UBE2E2: variants seen among roughly 807,000 people sequenced by gnomAD.
UBE2E2 encodes the protein ubiquitin conjugating enzyme E2 E2.
Under a neutral mutation model 24.7 loss-of-function variants are expected in UBE2E2, and 6 were observed. The observed-to-expected ratio is 0.24, with a 90% confidence interval of 0.13 to 0.48. The LOEUF is 0.48. Among genes scored for constraint, UBE2E2 ranks in the 20% least tolerant of loss-of-function variants. UBE2E2 has a pLI of 0.99. For synonymous variants in UBE2E2, 104 were observed against 83.6 expected (o/e 1.24, Z -1.33); for missense variants, 169 against 245.0 (o/e 0.69, Z 2.07).
intron 3 of UBE2E2, among the ~76,000 whole-genome samples, chr3:23,301,226 C>T (rs1028747836): frequency 7.2e-5 from 11 of 151,978 alleles, no homozygotes; most frequent in Non-Finnish European, 1.6e-4. Context: ...GCTATTGTTT[C>T]GTATTTCCTC....
At chr3:23,475,894 A>G (rs1699123600) in intron 3 of UBE2E2, among the ~76,000 whole-genome samples, 1 of 152,136 alleles carries the variant, frequency 6.6e-6, no homozygotes, top group Non-Finnish European at 1.5e-5. Flanking sequence ...AGCAGGATTT[A>G]CAGTGAGTAC....
At chr3:23,555,514 T>C (rs933085126) in intron 5 of UBE2E2, among the ~76,000 whole-genome samples, 59 of 152,160 alleles carry the variant, frequency 3.9e-4, no homozygotes, top group African/African-American at 1.4e-3. Flanking sequence ...CTGCTGGATA[T>C]ATACCCAAAG....
intron 3 of UBE2E2, among the ~76,000 whole-genome samples, chr3:23,386,442 G>A (rs942018848): frequency 2.6e-5 from 4 of 152,092 alleles, no homozygotes; most frequent in African/African-American, 4.8e-5. Context: ...GCGGGGACAC[G>A]AACATTCGGA....
At chr3:23,579,900 A>G (rs2125517999) in intron 5 of UBE2E2, among the ~76,000 whole-genome samples, 1 of 152,222 alleles carries the variant, frequency 6.6e-6, no homozygotes. Context: ...GTTGATTCCA[A>G]CTCTCGTGGA....
intron 3 of UBE2E2, among the ~76,000 whole-genome samples, chr3:23,298,731 A>G (rs1247010423): frequency 6.6e-6 from 1 of 151,660 alleles, no homozygotes; most frequent in Non-Finnish European, 1.5e-5. Flanking sequence ...TTCATCAAGG[A>G]TATTGGTCTA....
At chr3:23,240,634 A>G (rs777638508) in intron 3 of UBE2E2, among the ~76,000 whole-genome samples, 2 of 152,218 alleles carry the variant, frequency 1.3e-5, no homozygotes, top group African/African-American at 2.4e-5. Flanking sequence ...ATGAAATCTG[A>G]TAGGATCTCT....
chr3:23,463,816 A>G (rs1698864329), intron 3 of UBE2E2, among the ~76,000 whole-genome samples: 2 of 152,182 alleles, frequency 1.3e-5, no homozygotes, highest in South Asian at 4.1e-4. Context: ...AACTCCATTC[A>G]TGCCTAAGGA....
At chr3:23,297,261 C>A (rs1470216606) in intron 3 of UBE2E2, among the ~76,000 whole-genome samples, 1 of 151,776 alleles carries the variant, frequency 6.6e-6, no homozygotes, top group Non-Finnish European at 1.5e-5. Context: ...CTGTAGGTTG[C>A]CTGTTCACTC....
intron 3 of UBE2E2, among the ~76,000 whole-genome samples, chr3:23,360,412 G>T (rs1255633532): frequency 1.3e-5 from 2 of 152,090 alleles, no homozygotes; most frequent in African/African-American, 2.4e-5. Context: ...TGGATACAAA[G>T]ATGAATAAAA....
intron 3 of UBE2E2, among the ~76,000 whole-genome samples, chr3:23,267,303 G>T (rs1016977029): frequency 6.6e-6 from 1 of 151,738 alleles, no homozygotes; most frequent in African/African-American, 2.4e-5. Flanking sequence ...TTGATAGACC[G>T]CTAGCAAGAC....
chr3:23,299,027 A>G (rs983671407), intron 3 of UBE2E2, among the ~76,000 whole-genome samples: 11 of 152,112 alleles, frequency 7.2e-5, no homozygotes, highest in Admixed American at 7.2e-4. Flanking sequence ...GAGGATGTAT[A>G]TGTCAGGGAA....
intron 3 of UBE2E2, among the ~76,000 whole-genome samples, chr3:23,270,332 G>A (rs548263203): frequency 2.0e-5 from 3 of 152,182 alleles, no homozygotes; most frequent in Admixed American, 2.0e-4. Context: ...TGCATGTGCT[G>A]CGATGGTGTA....
intron 3 of UBE2E2, among the ~76,000 whole-genome samples, chr3:23,295,301 T>C (rs1469018514): frequency 6.6e-6 from 1 of 152,236 alleles, no homozygotes; most frequent in African/African-American, 2.4e-5. Context: ...TATTTTTTTA[T>C]TTTTGTTTTT....
At chr3:23,512,929 C>T (rs1008041113) in intron 4 of UBE2E2, among the ~76,000 whole-genome samples, 1 of 152,002 alleles carries the variant, frequency 6.6e-6, no homozygotes, top group African/African-American at 2.4e-5. Flanking sequence ...ACCATACATA[C>T]ATACATACAT....
intron 5 of UBE2E2, among the ~76,000 whole-genome samples, chr3:23,546,278 A>C (rs1575698353): frequency 6.6e-6 from 1 of 152,220 alleles, no homozygotes; most frequent in South Asian, 2.1e-4. Flanking sequence ...GTTACCCTTA[A>C]AAATTACCAG....
At chr3:23,312,779 G>A (rs1415836736) in intron 3 of UBE2E2, among the ~76,000 whole-genome samples, 1 of 152,012 alleles carries the variant, frequency 6.6e-6, no homozygotes, top group Non-Finnish European at 1.5e-5. Flanking sequence ...CATAGGTTTT[G>A]CTGTGTTGTG....
At chr3:23,364,214 G>A (rs1696199413) in intron 3 of UBE2E2, among the ~76,000 whole-genome samples, 1 of 151,866 alleles carries the variant, frequency 6.6e-6, no homozygotes, top group African/African-American at 2.4e-5. Flanking sequence ...CACACCCAGA[G>A]GAACCAGAGA....
intron 1 of UBE2E2, chr3:23,204,803 A>C: frequency 1.0e-6 from 1 of 954,230 alleles, no homozygotes; most frequent in Non-Finnish European, 1.2e-6. Context: ...TTTACATTTT[A>C]GAAAAGTTTA....
At chr3:23,231,940 T>C (rs760779374) in intron 3 of UBE2E2, among the ~76,000 whole-genome samples, 10 of 152,236 alleles carry the variant, frequency 6.6e-5, no homozygotes, top group Non-Finnish European at 1.3e-4. Flanking sequence ...TCCTGGCACC[T>C]GGATGAGTTC....
Sources: allele counts gnomAD v4.1 joint callset (sites outside exome capture counted in the v4.1 genomes callset), GRCh38; gene constraint gnomAD v4.1.1; transcripts MANE v1.5; gene names NCBI Gene and HGNC (gene_info 2026-07-23, HGNC 2026-07-21).